The following E2F5 variants were observed in gnomAD, a reference collection of about 807,000 sequenced individuals.
E2F5 encodes the protein transcription factor E2F5.
Under a neutral mutation model 39.1 loss-of-function variants are expected in E2F5, and 23 were observed. The ratio of observed to expected loss-of-function variants is 0.59; its 90% CI spans 0.42 to 0.83. The LOEUF is 0.83. E2F5 is among the 40% of genes least tolerant of loss of function. E2F5 has a pLI of 0.00. For missense variants in E2F5, 365 were observed against 406.7 expected, an observed-to-expected ratio of 0.90 and a Z score of 0.88; for synonymous variants, 145 against 157.8, an observed-to-expected ratio of 0.92 and a Z score of 0.61.
chr8:85,186,134 A>C (rs1812328121), intron 1 of E2F5, among the ~76,000 whole-genome samples: 1 of 152,176 alleles, frequency 6.6e-6, no homozygotes, highest in Non-Finnish European at 1.5e-5. Flanking sequence ...GGTAGACTGG[A>C]TAAAGAAAAT....
intron 1 of E2F5, among the ~76,000 whole-genome samples, chr8:85,185,145 G>T (rs1053709490): frequency 1.3e-5 from 2 of 152,122 alleles, no homozygotes; most frequent in African/African-American, 4.8e-5. Context: ...AAACAGCATG[G>T]TATTGGTACC....
At chr8:85,182,276 C>G (rs1469586027) in intron 1 of E2F5, among the ~76,000 whole-genome samples, 1 of 152,170 alleles carries the variant, frequency 6.6e-6, no homozygotes, top group Non-Finnish European at 1.5e-5. Flanking sequence ...ATGTTTTTAG[C>G]TAATGTTATC....
At chr8:85,183,847 T>G (rs1812272948) in intron 1 of E2F5, among the ~76,000 whole-genome samples, 1 of 152,148 alleles carries the variant, frequency 6.6e-6, no homozygotes. Context: ...CAGAATGTGA[T>G]TGTATTTGGG....
At chr8:85,179,315 A>G (rs1812150228) in intron 1 of E2F5, among the ~76,000 whole-genome samples, 1 of 152,226 alleles carries the variant, frequency 6.6e-6, no homozygotes, top group South Asian at 2.1e-4. Flanking sequence ...CTTCTCCCTC[A>G]GCTTGCCTCA....
At chr8:85,194,390 T>C (rs978225572) in intron 1 of E2F5, among the ~76,000 whole-genome samples, 2 of 152,130 alleles carry the variant, frequency 1.3e-5, no homozygotes, top group East Asian at 1.9e-4. Flanking sequence ...TTCTAGTAGA[T>C]TCTGTCTAGT....
intron 1 of E2F5, among the ~76,000 whole-genome samples, chr8:85,198,795 C>T (rs370514722): frequency 4.6e-5 from 7 of 152,252 alleles, no homozygotes; most frequent in South Asian, 2.1e-4. Context: ...ACTGTCTATT[C>T]GCTGAAGACT....
At chr8:85,194,306 G>T (rs1812531743) in intron 1 of E2F5, among the ~76,000 whole-genome samples, 1 of 151,964 alleles carries the variant, frequency 6.6e-6, no homozygotes. Context: ...GAAAGTTAGG[G>T]TAAACTCAAA....
Position 85,177,257 on chromosome 8 carries a change from C to G in E2F5, c.-164C>G. 5 of 516,520 alleles carry G rather than the reference C, an allele frequency of 9.7e-6. No individual in the cohort carries two copies. Among genetic ancestry groups the G allele is most frequent in the Non-Finnish European group, 1.2e-5 (5 of 401,004 alleles). The allele number at this position is 516,520 out of a possible 1,614,324, so 32.0% of individuals were successfully genotyped here. Reference sequence around the variant, plus strand: ...CCCGGCGTGACAAGCGGCCCAGACTCCCGTGGGCGCCGCACACCTGTTGTT... The same window carrying G: ...CCCGGCGTGACAAGCGGCCCAGACTGCCGTGGGCGCCGCACACCTGTTGTT... On this transcript the variant is annotated 5_prime_UTR_variant, in exon 1 of 8. Transcript: ENST00000416274.
Position 85,213,928 on chromosome 8 carries a change from C to G in E2F5, c.*66C>G, listed in dbSNP as rs1813021470. ...GTAACATTTTAGACTTCTTAATAAC[C>G]TAAATATTTAAAATAATGAATGTAA... On this transcript the variant is annotated 3_prime_UTR_variant, in exon 8 of 8. Transcript: ENST00000416274. 2.2e-6 allele frequency: 2 copies of G among 916,142 alleles called. No homozygotes were observed. The highest frequency in any genetic ancestry group is 3.5e-6 in the Non-Finnish European group (2 of 577,600). The allele number at this position is 916,142 out of a possible 1,614,324, so 56.8% of individuals were successfully genotyped here. A position where few individuals can be genotyped will look rare whatever the true frequency, so the allele number is the denominator to read the frequency against.
intron 1 of E2F5, among the ~76,000 whole-genome samples, chr8:85,191,519 AAAC>A (rs964221193): frequency 3.3e-5 from 5 of 152,244 alleles, no homozygotes; most frequent in African/African-American, 4.8e-5. Flanking sequence ...ACATATATCA[AAAC>A]AACATTTTGT....
chr8:85,182,752 A>T (rs1650937867), intron 1 of E2F5, among the ~76,000 whole-genome samples: 2 of 152,178 alleles, frequency 1.3e-5, no homozygotes, highest in African/African-American at 4.8e-5. Flanking sequence ...TCTACATTTT[A>T]TTTGCCATTT....
chr8:85,181,933 C>A (rs1259072489), intron 1 of E2F5, among the ~76,000 whole-genome samples: 2 of 150,180 alleles, frequency 1.3e-5, no homozygotes, highest in Admixed American at 1.3e-4. Context: ...TGCACTCCAT[C>A]CTGGGCGACA....
chr8:85,184,187 G>C (rs1197991746), intron 1 of E2F5, among the ~76,000 whole-genome samples: 3 of 152,208 alleles, frequency 2.0e-5, no homozygotes, highest in Non-Finnish European at 4.4e-5. Flanking sequence ...GATCAAGTTG[G>C]CTTCATGCCT....
intron 1 of E2F5, among the ~76,000 whole-genome samples, chr8:85,188,437 A>T (rs1812391288): frequency 6.8e-6 from 1 of 147,916 alleles, no homozygotes. Flanking sequence ...TCTCTTCTTC[A>T]TTTCTGAAGG....
At chr8:85,179,870 T>C (rs183835872) in intron 1 of E2F5, among the ~76,000 whole-genome samples, 211 of 152,118 alleles carry the variant, frequency 1.4e-3, no homozygotes, top group Middle Eastern at 6.8e-3. Flanking sequence ...CTGTGTTAGC[T>C]AGGATGGTCT....
Position 85,206,177 on chromosome 8 carries a change from A to G in E2F5, c.507A>G (p.Arg169=), listed in dbSNP as rs746614522. The G allele has an allele frequency of 6.8e-6, 11 of 1,612,974 alleles. No individual in the cohort carries two copies. The highest frequency in any genetic ancestry group is 7.6e-6 in the Non-Finnish European group (9 of 1,179,568). The change falls in exon 4 of 8, where the codon AGA becomes AGG. Residue 169 remains arginine, a splice_region_variant and synonymous_variant. Transcript: ENST00000416274. ...KNVMDDSINN[R]FSYVTHEDIC... ...CGTTCCTTAACTCCTATGACAGTAC[A>G]TTTTCCTATGTAACTCATGAAGACA...
chr8:85,199,459 G>C (rs1812646001), intron 1 of E2F5, among the ~76,000 whole-genome samples: 2 of 152,066 alleles, frequency 1.3e-5, no homozygotes, highest in Non-Finnish European at 2.9e-5. Context: ...CAGGGACTTT[G>C]TTCTGTCACA....
chr8:85,183,111 G>A (rs899687109), intron 1 of E2F5, among the ~76,000 whole-genome samples: 1 of 152,146 alleles, frequency 6.6e-6, no homozygotes, highest in Admixed American at 6.6e-5. Flanking sequence ...AATTAGCCGG[G>A]TGTGATGACT....
intron 6 of E2F5, among the ~76,000 whole-genome samples, chr8:85,209,731 G>A (rs1473319314): frequency 2.0e-5 from 3 of 152,330 alleles, no homozygotes; most frequent in East Asian, 3.9e-4. Context: ...TGTGGCATAT[G>A]TAGATTTCAG....
Sources: allele counts gnomAD v4.1 joint callset (sites outside exome capture counted in the v4.1 genomes callset), GRCh38; gene constraint gnomAD v4.1.1; transcripts MANE v1.5; gene names NCBI Gene and HGNC (gene_info 2026-07-23, HGNC 2026-07-21).